SLCO3A1: variants seen among roughly 807,000 people sequenced by gnomAD.
SLCO3A1 encodes the protein solute carrier organic anion transporter family member 3A1.
SLCO3A1 carries 27 observed loss-of-function variants against 63.1 expected under a neutral mutation model. The ratio of observed to expected loss-of-function variants is 0.43; its 90% CI spans 0.32 to 0.59. The LOEUF is 0.59. Ranked by LOEUF, SLCO3A1 falls within the 20% of genes least tolerant of loss-of-function variation. The probability of loss-of-function intolerance (pLI) is 0.09; values close to 1 mark genes in which losing one functional copy is unlikely to be tolerated. For synonymous variants in SLCO3A1, 473 were observed against 409.9 expected, an observed-to-expected ratio of 1.15 and a Z score of -1.86; for missense variants, 773 against 945.8, an observed-to-expected ratio of 0.82 and a Z score of 2.40.
In SLCO3A1 at chr15:92,164,252, T is replaced by C. The variant is rs905453527; in HGVS notation, c.*1117T>C. 9 of 984,422 alleles carry C rather than the reference T, an allele frequency of 9.1e-6. No homozygotes were observed. The highest frequency in any genetic ancestry group is 1.1e-5 in the Non-Finnish European group (9 of 829,112). The allele number at this position is 984,422 out of a possible 1,614,324, so 61.0% of individuals were successfully genotyped here. ...GGATGCAATTAACCTATTGTAATTT[T>C]CATCATTTTATCCTCATTCGAATAT... On this transcript the variant is annotated 3_prime_UTR_variant, in exon 10 of 10. Coordinates refer to ENST00000318445, the MANE Select transcript of SLCO3A1 (RefSeq NM_013272.4).
At chr15:92,112,926 C>T (rs990999337) in intron 4 of SLCO3A1, among the ~76,000 whole-genome samples, 10 of 152,134 alleles carry the variant, frequency 6.6e-5, no homozygotes, top group African/African-American at 1.2e-4. Flanking sequence ...GGGTGAATGC[C>T]TCCATTGTTG....
chr15:92,101,862 A>G (rs1768775267), intron 3 of SLCO3A1, among the ~76,000 whole-genome samples: 1 of 151,992 alleles, frequency 6.6e-6, no homozygotes, highest in Admixed American at 6.6e-5. Flanking sequence ...GCCCTTCCCC[A>G]TCTTTCAAAC....
At chr15:91,899,678 A>G (rs1898103248) in intron 1 of SLCO3A1, among the ~76,000 whole-genome samples, 1 of 152,168 alleles carries the variant, frequency 6.6e-6, no homozygotes, top group South Asian at 2.1e-4. Context: ...TTTTTAACAA[A>G]TTCATAAAGT....
Position 91,871,639 on chromosome 15 carries a change from G to A in SLCO3A1, c.180+17551G>A, listed in dbSNP as rs1233644727. Among the ~76,000 whole-genome samples the A allele has an allele frequency of 2.6e-5, 4 of 151,958 alleles. 1 individual carries two copies. The highest frequency in any genetic ancestry group is 9.7e-5 in the African/African-American group (4 of 41,376). On this transcript the variant is annotated intron_variant, in intron 1 of 9. Transcript: ENST00000318445. Reference sequence around the variant, plus strand: ...AGAATGTTTATTTATTCACTGTTTTGTCTTCCTGAGGGTGTTTGACTCAGG... The same window carrying A: ...AGAATGTTTATTTATTCACTGTTTTATCTTCCTGAGGGTGTTTGACTCAGG...
chr15:91,982,962 C>G (rs543945423), intron 2 of SLCO3A1, among the ~76,000 whole-genome samples: 2 of 152,270 alleles, frequency 1.3e-5, no homozygotes, highest in Non-Finnish European at 2.9e-5. Flanking sequence ...CTGAGGGAGT[C>G]TGTCCCTTTA....
chr15:92,159,961 C>T (rs1352639925), intron 9 of SLCO3A1, among the ~76,000 whole-genome samples: 5 of 152,084 alleles, frequency 3.3e-5, no homozygotes, highest in East Asian at 1.9e-4. Flanking sequence ...TGGTTTGCAC[C>T]GACCTGGAAT....
At chr15:91,873,769 G>A (rs904259383) in intron 1 of SLCO3A1, among the ~76,000 whole-genome samples, 3 of 152,034 alleles carry the variant, frequency 2.0e-5, no homozygotes, top group African/African-American at 4.8e-5. Flanking sequence ...TCTCCAAAAT[G>A]TTCCCAAAAT....
intron 2 of SLCO3A1, among the ~76,000 whole-genome samples, chr15:92,010,807 C>A (rs2151461954): frequency 6.6e-6 from 1 of 152,198 alleles, no homozygotes; most frequent in East Asian, 1.9e-4. Flanking sequence ...TCTCAGGGGG[C>A]CCTGATTGTT....
At chr15:92,061,596 C>T (rs2047086708) in intron 2 of SLCO3A1, among the ~76,000 whole-genome samples, 1 of 152,220 alleles carries the variant, frequency 6.6e-6, no homozygotes, top group Non-Finnish European at 1.5e-5. Flanking sequence ...GGGCTGTTGG[C>T]TGTTGGGAAG....
At position 91,916,328 on chromosome 15, in the gene SLCO3A1, T is replaced by C; in HGVS notation, c.516T>C (p.Ala172=). 1.2e-6 allele frequency: 2 copies of C among 1,602,960 alleles called. No homozygotes were observed. The highest frequency in any genetic ancestry group is 1.7e-6 in the Non-Finnish European group (2 of 1,175,064). Residue 172 remains alanine, a synonymous_variant, in exon 2 of 10, where the codon GCT becomes GCC. Coordinates refer to ENST00000318445, the MANE Select transcript of SLCO3A1 (RefSeq NM_013272.4). The surrounding 1 kb of genome is among the most constrained non-coding windows in gnomAD (Gnocchi z 6.2). ...ACCTCATCTGCCGCAACCGGACGGC[T>C]ACCAACATGATGTACTTGCTGCTCA... The part of the protein sequence containing the change: ...DPDLICRNRT[A]TNMMYLLLIG...
intron 3 of SLCO3A1, among the ~76,000 whole-genome samples, chr15:92,097,107 A>G (rs981690374): frequency 4.6e-5 from 7 of 152,212 alleles, no homozygotes. Flanking sequence ...GTGGCCAGAT[A>G]GCATATTTTG....
Position 92,133,598 on chromosome 15 carries a change from A to G in SLCO3A1, c.1512+5109A>G, listed in dbSNP as rs140370408. Among the ~76,000 whole-genome samples, 1,418 of 144,978 alleles carry G rather than the reference A, an allele frequency of 9.8e-3. 116 individuals carry two copies. The highest frequency in any genetic ancestry group is 0.032 in the African/African-American group (1,301 of 40,044). On this transcript the variant is annotated intron_variant, in intron 7 of 9. Transcript: ENST00000318445. ...AGTGGCATTGGATTCTTACAGGAGC[A>G]TGAACTTACTGTGAACTGCGCACGC...
At chr15:92,065,860 G>T (rs925593519) in intron 2 of SLCO3A1, among the ~76,000 whole-genome samples, 11 of 152,180 alleles carry the variant, frequency 7.2e-5, no homozygotes, top group Non-Finnish European at 1.6e-4. Flanking sequence ...AAGAAGTTAT[G>T]TGCTGGTCCT....
At chr15:92,117,067 C>T (rs998697851) in intron 4 of SLCO3A1, among the ~76,000 whole-genome samples, 8 of 152,170 alleles carry the variant, frequency 5.3e-5, no homozygotes. Context: ...AGGAATCCTT[C>T]CCGCTGAAGT....
At chr15:92,105,929 C>T (rs2047662498) in intron 4 of SLCO3A1, among the ~76,000 whole-genome samples, 1 of 152,186 alleles carries the variant, frequency 6.6e-6, no homozygotes, top group Non-Finnish European at 1.5e-5. Flanking sequence ...TATAGAGATG[C>T]TAGAGATTTG....
In SLCO3A1 at chr15:92,033,836, G is replaced by A. The variant is rs752605076; in HGVS notation, c.647-61045G>A. Among the ~76,000 whole-genome samples the A allele has an allele frequency of 6.6e-5, 10 of 152,134 alleles. No homozygotes were observed. The highest frequency in any genetic ancestry group is 7.3e-5 in the Non-Finnish European group (5 of 68,030). On this transcript the variant is annotated intron_variant, in intron 2 of 9. Transcript: ENST00000318445. The surrounding 1 kb of genome is among the most constrained non-coding windows in gnomAD (Gnocchi z 4.5). ...ACATCAAGGGAGTGAGGGACAAGCC[G>A]GGAGGTTATCTGGAGGAAAAACATT...
At chr15:91,966,184 C>T (rs566009199) in intron 2 of SLCO3A1, among the ~76,000 whole-genome samples, 2 of 151,918 alleles carry the variant, frequency 1.3e-5, no homozygotes, top group Non-Finnish European at 2.9e-5. Context: ...GGGGCCTCGG[C>T]TGGCAGCCCC....
intron 2 of SLCO3A1, among the ~76,000 whole-genome samples, chr15:92,002,309 C>T (rs1043656827): frequency 1.3e-5 from 2 of 152,142 alleles, no homozygotes; most frequent in Non-Finnish European, 2.9e-5. Flanking sequence ...CAGTCCTTGG[C>T]CTGAGAGAGC....
Position 91,963,007 on chromosome 15 carries a change from C to T in SLCO3A1, c.646+46549C>T, listed in dbSNP as rs181700929. On this transcript the variant is annotated intron_variant, in intron 2 of 9. Transcript: ENST00000318445. ...CCAATCTGTAACTAAGATCTGATTC[C>T]TGAAGACCTTCCTCTGGAGCCTCAG... 6.4e-3 allele frequency among the ~76,000 whole-genome samples: 968 copies of T among 152,250 alleles called. 9 individuals carry two copies. The highest frequency in any genetic ancestry group is 0.023 in the African/African-American group (940 of 41,530).
Sources: allele counts gnomAD v4.1 joint callset (sites outside exome capture counted in the v4.1 genomes callset), GRCh38; gene constraint gnomAD v4.1.1; non-coding constraint Gnocchi (gnomAD v3.1); transcripts MANE v1.5; gene names NCBI Gene and HGNC (gene_info 2026-07-23, HGNC 2026-07-21).